The following FAM228A variants were observed in gnomAD, a reference collection of about 807,000 sequenced individuals.
FAM228A encodes protein FAM228A.
FAM228A carries 13 observed loss-of-function variants against 18.6 expected under a neutral mutation model. That is an observed-to-expected ratio of 0.70 (90% confidence interval 0.45 to 1.11). The LOEUF is 1.11. Ranked by LOEUF, FAM228A falls within the 50% of genes least tolerant of loss-of-function variation. The probability of loss-of-function intolerance (pLI) is 0.00; values close to 1 mark genes in which losing one functional copy is unlikely to be tolerated. For synonymous variants in FAM228A, 77 were observed against 86.6 expected, an observed-to-expected ratio of 0.89 and a Z score of 0.61; for missense variants, 240 against 242.2, an observed-to-expected ratio of 0.99 and a Z score of 0.06.
chr2:24,175,763 T>G, intron 2 of FAM228A, 190 bp downstream of exon 2: 3 of 761,422 alleles, frequency 3.9e-6, no homozygotes, highest in East Asian at 3.2e-5. Context: ...GTCGCCAGCC[T>G]GGGGGCTGGC....
At chr2:24,175,443 T>C in intron 1 of FAM228A, 24 bp from the exon 2 acceptor site, 1 of 1,534,264 alleles carries the variant, frequency 6.5e-7, no homozygotes, top group Non-Finnish European at 9.0e-7. Flanking sequence ...TTCCTCAGCC[T>C]CAGTTTACCT....
At chr2:24,175,718 A>C in intron 2 of FAM228A, 145 bp downstream of exon 2, 2 of 764,174 alleles carry the variant, frequency 2.6e-6, no homozygotes, top group Non-Finnish European at 4.2e-6. Flanking sequence ...GTTCGGGCTC[A>C]GATTTGGCCG....
rs145233560 is a variant in FAM228A at position 24,191,621 on chromosome 2, C to T, written c.*990C>T. Reference sequence around the variant, plus strand: ...TGACATACCCACCAGCTCACATTTACTGTTTTCGTGTGTGTGGTGAGAATA... The same window carrying T: ...TGACATACCCACCAGCTCACATTTATTGTTTTCGTGTGTGTGGTGAGAATA... On this transcript the variant is annotated 3_prime_UTR_variant, in exon 6 of 6. Coordinates refer to ENST00000295150, the MANE Select transcript of FAM228A (RefSeq NM_001040710.3). 4 of 416,414 alleles carry T rather than the reference C, an allele frequency of 9.6e-6. No homozygotes were observed. The East Asian group carries it at 4.7e-4, about 49-fold the overall frequency. The allele number at this position is 416,414 out of a possible 1,614,324, so 25.8% of individuals were successfully genotyped here. A position where few individuals can be genotyped will look rare whatever the true frequency, so the allele number is the denominator to read the frequency against.
At position 24,190,904 on chromosome 2, in the gene FAM228A, C is replaced by T. The variant is rs1668068797; in HGVS notation, c.*273C>T. On this transcript the variant is annotated 3_prime_UTR_variant, in exon 6 of 6. Transcript: ENST00000295150. Reference sequence around the variant, plus strand: ...GGGGCTTTTCCCCCTGAGATTTCTTCAGCGCCTTCGCCCGGGCCTTTGCCC... The same window carrying T: ...GGGGCTTTTCCCCCTGAGATTTCTTTAGCGCCTTCGCCCGGGCCTTTGCCC... 1.5e-5 allele frequency: 17 copies of T among 1,157,262 alleles called. No homozygotes were observed. In the Admixed American group the frequency reaches 4.7e-4, roughly 32 times the overall value. The allele number at this position is 1,157,262 out of a possible 1,614,324, so 71.7% of individuals were successfully genotyped here.
In FAM228A at chr2:24,177,869, A is replaced by G. The variant is rs199513748; in HGVS notation, c.161A>G (p.Lys54Arg). The change falls in exon 3 of 6, where the codon AAG becomes AGG. Residue 54 changes from lysine to arginine, a missense_variant and splice_region_variant. Transcript: ENST00000295150. ...AILFKENSIV[K>R]VTVPPFVDPL... ...TTATTTAAAGAAAATTCCATTGTGA[A>G]GGTAAGAGTTGGCTCCACGCTGCAT... The G allele has an allele frequency of 3.9e-4, 630 of 1,600,730 alleles. 2 individuals carry two copies. The highest frequency in any genetic ancestry group is 5.1e-4 in the Non-Finnish European group (594 of 1,169,928).
intron 3 of FAM228A, among the ~76,000 whole-genome samples, chr2:24,179,515 A>T (rs1667766864): frequency 6.6e-6 from 1 of 152,204 alleles, no homozygotes; most frequent in South Asian, 2.1e-4. Flanking sequence ...ACGTTAATGG[A>T]GTTACTGTGG....
intron 2 of FAM228A, among the ~76,000 whole-genome samples, chr2:24,176,538 A>G (rs1667697536): frequency 6.6e-6 from 1 of 152,174 alleles, no homozygotes; most frequent in Admixed American, 6.5e-5. Context: ...TAAGTCTGAG[A>G]AGGCTTTAAA....
At chr2:24,184,650 G>T (rs925706954) in intron 5 of FAM228A, among the ~76,000 whole-genome samples, 7 of 151,926 alleles carry the variant, frequency 4.6e-5, no homozygotes, top group African/African-American at 1.7e-4. Flanking sequence ...TGGTATTTTC[G>T]TTTCCACAAT....
Position 24,190,731 on chromosome 2 carries a change from GC to G in FAM228A, c.*102del. On this transcript the variant is annotated 3_prime_UTR_variant, in exon 6 of 6. Coordinates refer to ENST00000295150, the MANE Select transcript of FAM228A (RefSeq NM_001040710.3). Reference sequence around the variant, plus strand: ...AGAGGAGGAGGGAGAAATGGCGGTGGCCTCAGGCTCAGCACTGCAGCTCTGA... The same window carrying G: ...AGAGGAGGAGGGAGAAATGGCGGTGGCTCAGGCTCAGCACTGCAGCTCTGA... The G allele has an allele frequency of 7.0e-7, 1 of 1,427,708 alleles. No individual in the cohort carries two copies. The highest frequency in any genetic ancestry group is 9.2e-7 in the Non-Finnish European group (1 of 1,088,046). The allele number at this position is 1,427,708 out of a possible 1,614,324, so 88.4% of individuals were successfully genotyped here.
At chr2:24,178,583 AAAG>A (rs1667746480) in intron 3 of FAM228A, among the ~76,000 whole-genome samples, 1 of 152,186 alleles carries the variant, frequency 6.6e-6, no homozygotes, top group Non-Finnish European at 1.5e-5. Context: ...TTTAAACAAA[AAAG>A]AATAAAACTT....
Position 24,189,423 on chromosome 2 carries a change from C to T in FAM228A, c.402-989C>T, listed in dbSNP as rs1038624256. Among the ~76,000 whole-genome samples the T allele has an allele frequency of 1.3e-5, 2 of 152,338 alleles. 1 individual carries two copies. ...CCAGGCTGTTGCCTGCCTTTGCTCCCTCTGTCTGTCACTGGCCATTCCAGT... is the reference window on the plus strand; with the variant it reads ...CCAGGCTGTTGCCTGCCTTTGCTCCTTCTGTCTGTCACTGGCCATTCCAGT... On this transcript the variant is annotated intron_variant, in intron 5 of 5. Transcript: ENST00000295150.
chr2:24,187,338 TAG>T (rs1375047671), intron 5 of FAM228A, among the ~76,000 whole-genome samples: 1 of 152,198 alleles, frequency 6.6e-6, no homozygotes, highest in Non-Finnish European at 1.5e-5. Context: ...GGAAAGTACC[TAG>T]AGAGTTCTCG....
chr2:24,187,781 G>A (rs1187125795), intron 5 of FAM228A, among the ~76,000 whole-genome samples: 1 of 152,148 alleles, frequency 6.6e-6, no homozygotes, highest in Non-Finnish European at 1.5e-5. Flanking sequence ...ATATCTTGTT[G>A]TCTTTTACTC....
chr2:24,188,710 A>G (rs72793935), intron 5 of FAM228A: 25,976 of 923,804 alleles, frequency 0.028, 415 homozygotes, highest in Middle Eastern at 0.037. Flanking sequence ...TTGTCAACTC[A>G]TTCCTGAAGG....
At chr2:24,175,870 C>A (rs991938837) in intron 2 of FAM228A, 10 of 1,124,666 alleles carry the variant, frequency 8.9e-6, no homozygotes, top group Non-Finnish European at 1.1e-5. Flanking sequence ...CTGCATACTT[C>A]AGCGTCTGGT....
At chr2:24,182,136 T>A (rs572772214) in intron 3 of FAM228A, among the ~76,000 whole-genome samples, 2 of 152,252 alleles carry the variant, frequency 1.3e-5, no homozygotes, top group African/African-American at 4.8e-5. Flanking sequence ...ATACTTGAGG[T>A]TATAATGAGT....
chr2:24,189,948 A>G (rs949627126), intron 5 of FAM228A, among the ~76,000 whole-genome samples: 1 of 151,770 alleles, frequency 6.6e-6, no homozygotes, highest in African/African-American at 2.4e-5. Context: ...CGCTCGGGGG[A>G]CTGACTGGGA....
chr2:24,180,647 T>G (rs1389401613), intron 3 of FAM228A, among the ~76,000 whole-genome samples: 1 of 152,186 alleles, frequency 6.6e-6, no homozygotes, highest in Non-Finnish European at 1.5e-5. Flanking sequence ...AGAAATGGCA[T>G]GTGTTGAAGT....
At chr2:24,190,319 G>A (rs901853778) in intron 5 of FAM228A, 93 bp from the exon 6 acceptor site, 8 of 1,398,978 alleles carry the variant, frequency 5.7e-6, no homozygotes, top group South Asian at 1.5e-5. Flanking sequence ...CAAAAGTGAC[G>A]ATTGAGTTCA....
Sources: gnomAD v4.1 joint callset for allele counts (sites outside exome capture counted in the v4.1 genomes callset) on GRCh38, gnomAD v4.1.1 for gene constraint, MANE v1.5 for transcripts, NCBI Gene and HGNC (gene_info 2026-07-23, HGNC 2026-07-21) for gene names.